The following SLC36A1 variants were observed in gnomAD, a reference collection of about 807,000 sequenced individuals.
The protein encoded by SLC36A1 is solute carrier family 36 member 1.
In SLC36A1, 30 loss-of-function variants were observed where a neutral mutation model predicts 47.5. That is an observed-to-expected ratio of 0.63 (90% CI 0.47 to 0.86). SLC36A1 has a LOEUF of 0.86. SLC36A1 is among the 40% of genes least tolerant of loss of function. The pLI, the probability that SLC36A1 is intolerant of heterozygous loss-of-function variation, is 0.00. For missense variants in SLC36A1, 517 were observed against 606.0 expected (o/e 0.85, Z 1.54); for synonymous variants, 255 against 249.7 (o/e 1.02, Z -0.20).
chr5:151,433,583 G>A (rs1232074893), upstream of SLC36A1, among the ~76,000 whole-genome samples: 2 of 151,384 alleles, frequency 1.3e-5, no homozygotes, highest in African/African-American at 2.4e-5. Context: ...GAGCCACCAC[G>A]CCCGGCCTGA....
At chr5:151,551,678 G>T in the SLC36A1 span, 1 of 1,544,512 alleles carries the variant, frequency 6.5e-7, no homozygotes. Flanking sequence ...ATAGGCTTTG[G>T]TTGTCAGGCT....
chr5:151,481,811 G>A (rs1012165629), intron 10 of SLC36A1, among the ~76,000 whole-genome samples: 1 of 152,078 alleles, frequency 6.6e-6, no homozygotes, highest in Non-Finnish European at 1.5e-5. Context: ...ATTTCATATC[G>A]GACAGTATCT....
At chr5:151,485,683 TGTA>T (rs1759417672) in intron 10 of SLC36A1, among the ~76,000 whole-genome samples, 1 of 152,234 alleles carries the variant, frequency 6.6e-6, no homozygotes, top group African/African-American at 2.4e-5. Context: ...TCCATAGGAC[TGTA>T]GTAATATTGT....
chr5:151,360,298 T>C, the SLC36A1 span, among the ~76,000 whole-genome samples: 1 of 152,178 alleles, frequency 6.6e-6, no homozygotes, highest in Non-Finnish European at 1.5e-5. Context: ...ACACAGTTGA[T>C]TAACGCACAC....
chr5:151,363,043 C>T, the SLC36A1 span, among the ~76,000 whole-genome samples: 1 of 150,010 alleles, frequency 6.7e-6, no homozygotes, highest in East Asian at 2.1e-4. Flanking sequence ...TTTCAGTCTT[C>T]TCTGTCTTTG....
the SLC36A1 span, among the ~76,000 whole-genome samples, chr5:151,382,906 A>C: frequency 1.3e-5 from 2 of 152,174 alleles, no homozygotes; most frequent in South Asian, 4.1e-4. Context: ...CCAAGGCCAG[A>C]GGAGACTATA....
chr5:151,359,609 A>G, the SLC36A1 span, among the ~76,000 whole-genome samples: 4 of 152,200 alleles, frequency 2.6e-5, no homozygotes, highest in East Asian at 1.9e-4. Flanking sequence ...GAACATTTCA[A>G]TCACACCTAA....
chr5:151,492,554 GTTTT>G (rs1383128058), downstream of SLC36A1, among the ~76,000 whole-genome samples: 16 of 151,906 alleles, frequency 1.1e-4, no homozygotes, highest in East Asian at 2.7e-3. Flanking sequence ...ACTAGGAATG[GTTTT>G]TTATTTTTTT....
the SLC36A1 span, among the ~76,000 whole-genome samples, chr5:151,423,258 C>T: frequency 5.4e-4 from 82 of 152,232 alleles, no homozygotes; most frequent in Non-Finnish European, 8.8e-4. Flanking sequence ...ATACTCTTAC[C>T]GTATGATCTA....
At chr5:151,533,205 G>A in the SLC36A1 span, among the ~76,000 whole-genome samples, 6 of 152,066 alleles carry the variant, frequency 3.9e-5, no homozygotes, top group Non-Finnish European at 8.8e-5. Context: ...AGGAAGTAGG[G>A]AGCATCCTGT....
chr5:151,420,313 T>C, the SLC36A1 span, among the ~76,000 whole-genome samples: 32 of 152,314 alleles, frequency 2.1e-4, no homozygotes, highest in East Asian at 5.2e-3. Context: ...ATGAGTCCCA[T>C]GCATTCACTG....
chr5:151,518,426 T>C, the SLC36A1 span, among the ~76,000 whole-genome samples: 1 of 151,792 alleles, frequency 6.6e-6, no homozygotes, highest in East Asian at 1.9e-4. Flanking sequence ...ATCAAGTGTG[T>C]GAAAATCAAA....
the SLC36A1 span, chr5:151,510,202 A>T: frequency 6.2e-7 from 1 of 1,612,814 alleles, no homozygotes; most frequent in Non-Finnish European, 8.5e-7. Context: ...GAGGTGAGAG[A>T]CCGCACTGGC....
At chr5:151,397,890 G>A in the SLC36A1 span, among the ~76,000 whole-genome samples, 1 of 152,140 alleles carries the variant, frequency 6.6e-6, no homozygotes, top group African/African-American at 2.4e-5. Flanking sequence ...GCCAAGGTGG[G>A]AGGATCGCTT....
At chr5:151,412,095 C>T in the SLC36A1 span, among the ~76,000 whole-genome samples, 20 of 145,070 alleles carry the variant, frequency 1.4e-4, 1 homozygote, top group African/African-American at 5.0e-4. Flanking sequence ...CAAACATCCT[C>T]CACATCCTCT....
At chr5:151,479,664 T>A in intron 10 of SLC36A1, 175 bp downstream of exon 10, 1 of 629,060 alleles carries the variant, frequency 1.6e-6, no homozygotes, top group Non-Finnish European at 2.7e-6. Flanking sequence ...GGAAGTGAAT[T>A]AATTACATAT....
At chr5:151,526,636 G>A in the SLC36A1 span, among the ~76,000 whole-genome samples, 7 of 152,206 alleles carry the variant, frequency 4.6e-5, no homozygotes, top group East Asian at 1.2e-3. Flanking sequence ...GTGGACTGGC[G>A]ATATTCTCAG....
chr5:151,464,652 T>G (rs764775203), intron 4 of SLC36A1, 50 bp downstream of exon 4: 41 of 1,525,938 alleles, frequency 2.7e-5, no homozygotes, highest in Non-Finnish European at 3.4e-5. Context: ...CCTTTTGGGT[T>G]CTGTTATCAA....
At chr5:151,531,840 C>T in the SLC36A1 span, 2 of 1,614,030 alleles carry the variant, frequency 1.2e-6, no homozygotes, top group Non-Finnish European at 8.5e-7. This position sits in a 1 kb window ranked among gnomAD's most constrained non-coding sequence, Gnocchi z 5.7. Context: ...AGGCACGGAC[C>T]GTGAGCTCCA....
Sources: gnomAD v4.1 joint callset for allele counts (sites outside exome capture counted in the v4.1 genomes callset) on GRCh38, gnomAD v4.1.1 for gene constraint, Gnocchi (gnomAD v3.1) non-coding constraint, MANE v1.5 for transcripts, NCBI Gene and HGNC (gene_info 2026-07-23, HGNC 2026-07-21) for gene names.